The following KCTD16 variants were observed in gnomAD, a reference collection of about 807,000 sequenced individuals.
The protein encoded by KCTD16 is potassium channel tetramerization domain containing 16, also known as BTB/POZ domain-containing protein KCTD16.
KCTD16 carries 13 observed loss-of-function variants against 33.2 expected under a neutral mutation model. The observed-to-expected ratio is 0.39, with a 90% confidence interval of 0.25 to 0.62. The LOEUF (loss-of-function observed/expected upper bound fraction) is 0.62, where lower values mean the gene tolerates loss of function less well. Among genes scored for constraint, KCTD16 ranks in the 20% least tolerant of loss-of-function variants. KCTD16 has a pLI of 0.50. For synonymous variants in KCTD16, 197 were observed against 195.3 expected, an observed-to-expected ratio of 1.01 and a Z score of -0.07; for missense variants, 441 against 525.1, an observed-to-expected ratio of 0.84 and a Z score of 1.57.
chr5:144,266,690 C>T (rs1175816506), intron 3 of KCTD16, among the ~76,000 whole-genome samples: 4 of 152,130 alleles, frequency 2.6e-5, no homozygotes, highest in African/African-American at 4.8e-5. Flanking sequence ...GTTGTAATTG[C>T]CCACCTAGTG....
intron 3 of KCTD16, among the ~76,000 whole-genome samples, chr5:144,346,917 G>C (rs916882209): frequency 3.3e-5 from 5 of 151,942 alleles, no homozygotes; most frequent in Non-Finnish European, 7.4e-5. Flanking sequence ...CCATACTCAA[G>C]AAATCTTTGC....
At chr5:144,336,813 A>T (rs570510363) in intron 3 of KCTD16, among the ~76,000 whole-genome samples, 29 of 152,158 alleles carry the variant, frequency 1.9e-4, no homozygotes, top group African/African-American at 7.0e-4. Context: ...TGATACACAC[A>T]TCATACCCAC....
At chr5:144,464,675 C>T (rs941893866) in intron 3 of KCTD16, among the ~76,000 whole-genome samples, 1 of 148,778 alleles carries the variant, frequency 6.7e-6, no homozygotes, top group Non-Finnish European at 1.5e-5. Context: ...CTTCCTCCTC[C>T]TCATCCTCCT....
intron 3 of KCTD16, among the ~76,000 whole-genome samples, chr5:144,388,033 GA>G (rs935865390): frequency 9.4e-5 from 13 of 137,978 alleles, no homozygotes; most frequent in South Asian, 6.8e-4. Flanking sequence ...TATTAATCGG[GA>G]AAAAAAATCC....
At position 144,206,769 on chromosome 5, in the gene KCTD16, G is replaced by C. The variant is rs768216066; in HGVS notation, c.55G>C (p.Val19Leu). 9.3e-6 allele frequency: 15 copies of C among 1,614,170 alleles called. No individual in the cohort carries two copies. Among genetic ancestry groups the C allele is most frequent in the Admixed American group, 5.0e-5 (3 of 60,026 alleles). ...RYYPREQGSA[V>L]PNSFPEVVEL... ...TTATCCTCGAGAACAAGGGTCCGCA[G>C]TTCCCAACTCCTTCCCTGAGGTGGT... The change falls in exon 3 of 4, where the codon GTT becomes CTT. Residue 19 changes from valine to leucine, a missense_variant. Physicochemically the swap from Val to Leu is conservative, Grantham distance 32. This residue lies in a region of KCTD16 where 80 missense variants were observed against 88.5 expected (regional missense o/e 0.90). Coordinates refer to ENST00000512467, the MANE Select transcript of KCTD16 (RefSeq NM_020768.4).
At chr5:144,197,529 G>A (rs1752961700) in intron 2 of KCTD16, among the ~76,000 whole-genome samples, 1 of 152,052 alleles carries the variant, frequency 6.6e-6, no homozygotes, top group Non-Finnish European at 1.5e-5. Context: ...ACAACCCTTT[G>A]ACAAATATAT....
intron 3 of KCTD16, among the ~76,000 whole-genome samples, chr5:144,292,878 A>C (rs1032732409): frequency 6.6e-6 from 1 of 152,126 alleles, no homozygotes; most frequent in African/African-American, 2.4e-5. Flanking sequence ...CGGGTTGCAC[A>C]TGTTTTAGAA....
At chr5:144,385,678 G>T (rs2126934470) in intron 3 of KCTD16, among the ~76,000 whole-genome samples, 1 of 152,278 alleles carries the variant, frequency 6.6e-6, no homozygotes, top group African/African-American at 2.4e-5. Flanking sequence ...TCAACTCTTG[G>T]TTCCAATCCC....
intron 3 of KCTD16, among the ~76,000 whole-genome samples, chr5:144,230,153 C>T (rs1459678917): frequency 6.6e-6 from 1 of 152,094 alleles, no homozygotes; most frequent in Non-Finnish European, 1.5e-5. Flanking sequence ...AAAAACAAAA[C>T]AAAACAAAAT....
chr5:144,371,629 A>G (rs1751968777), intron 3 of KCTD16, among the ~76,000 whole-genome samples: 1 of 152,162 alleles, frequency 6.6e-6, no homozygotes, highest in Non-Finnish European at 1.5e-5. Flanking sequence ...AATGAATGCC[A>G]TTGCAATTGA....
chr5:144,315,880 T>G (rs1481675115), intron 3 of KCTD16, among the ~76,000 whole-genome samples: 1 of 152,188 alleles, frequency 6.6e-6, no homozygotes, highest in Non-Finnish European at 1.5e-5. Flanking sequence ...TAACTTAAAA[T>G]GTACATTCAT....
intron 3 of KCTD16, among the ~76,000 whole-genome samples, chr5:144,229,852 G>T (rs1427233049): frequency 6.6e-6 from 1 of 152,108 alleles, no homozygotes; most frequent in African/African-American, 2.4e-5. Context: ...TATTAAACAG[G>T]AGTGCAAGGC....
chr5:144,252,537 G>A (rs1166451677), intron 3 of KCTD16, among the ~76,000 whole-genome samples: 1 of 151,472 alleles, frequency 6.6e-6, no homozygotes, highest in African/African-American at 2.4e-5. Flanking sequence ...AAAACTCAAA[G>A]AGCCAAAAGT....
At chr5:144,194,383 G>T (rs1224705950) in intron 2 of KCTD16, among the ~76,000 whole-genome samples, 1 of 152,178 alleles carries the variant, frequency 6.6e-6, no homozygotes, top group Non-Finnish European at 1.5e-5. Flanking sequence ...CTCTCAGTAG[G>T]AGGCTCTGCA....
intron 3 of KCTD16, among the ~76,000 whole-genome samples, chr5:144,295,003 G>T (rs1203550542): frequency 1.3e-5 from 2 of 152,106 alleles, no homozygotes; most frequent in East Asian, 3.8e-4. Context: ...ACCAATTGTT[G>T]AGCATTTTCT....
At chr5:144,329,517 G>T (rs190737812) in intron 3 of KCTD16, among the ~76,000 whole-genome samples, 3 of 152,264 alleles carry the variant, frequency 2.0e-5, no homozygotes, top group Admixed American at 2.0e-4. Context: ...ATCTAAAAGT[G>T]ACACTGCAAT....
intron 3 of KCTD16, among the ~76,000 whole-genome samples, chr5:144,388,065 GTTTTTTTTTTTTTTTTT>G (rs397999492): frequency 2.7e-5 from 2 of 73,662 alleles, no homozygotes; most frequent in African/African-American, 1.2e-4. Context: ...TTTAGAGCAA[GTTTTTTTTTTTTTTTTT>G]TTTTTTTTTT....
At chr5:144,363,364 G>A (rs910091185) in intron 3 of KCTD16, among the ~76,000 whole-genome samples, 2 of 151,104 alleles carry the variant, frequency 1.3e-5, no homozygotes, top group East Asian at 1.9e-4. Context: ...AGTGTTTTTT[G>A]TATGTGTGTG....
intron 3 of KCTD16, among the ~76,000 whole-genome samples, chr5:144,308,517 A>G (rs561912337): frequency 3.9e-5 from 6 of 152,306 alleles, no homozygotes; most frequent in African/African-American, 1.4e-4. Flanking sequence ...CCAGGCTGAC[A>G]TTACCTCAAC....
Sources: allele counts gnomAD v4.1 joint callset (sites outside exome capture counted in the v4.1 genomes callset), GRCh38; gene constraint gnomAD v4.1.1; regional missense constraint gnomAD v4.1.1; transcripts MANE v1.5; gene names NCBI Gene and HGNC (gene_info 2026-07-23, HGNC 2026-07-21).